PEX14: variants seen among roughly 807,000 people sequenced by gnomAD.
The protein encoded by PEX14 is peroxisomal biogenesis factor 14.
In PEX14, 15 loss-of-function variants were observed where a neutral mutation model predicts 49.5. The ratio of observed to expected loss-of-function variants is 0.30; its 90% CI spans 0.20 to 0.47. The LOEUF is 0.47. Ranked by LOEUF, PEX14 falls within the 20% of genes least tolerant of loss-of-function variation. The probability of loss-of-function intolerance (pLI) is 1.00; values close to 1 mark genes in which losing one functional copy is unlikely to be tolerated. For missense variants in PEX14, 398 were observed against 494.8 expected, an observed-to-expected ratio of 0.80 and a Z score of 1.86; for synonymous variants, 210 against 212.7, an observed-to-expected ratio of 0.99 and a Z score of 0.11.
intron 3 of PEX14, among the ~76,000 whole-genome samples, chr1:10,594,288 T>C (rs1006464594): frequency 6.6e-6 from 1 of 152,128 alleles, no homozygotes; most frequent in African/African-American, 2.4e-5. Context: ...CTGCCTCATC[T>C]CCTCCCAGAG....
chr1:10,517,862 T>C (rs558083100), intron 2 of PEX14, among the ~76,000 whole-genome samples: 6 of 152,210 alleles, frequency 3.9e-5, no homozygotes, highest in Admixed American at 2.0e-4. Context: ...AAATAATTTC[T>C]TTCTTGAAAT....
At chr1:10,618,567 C>T in intron 5 of PEX14, 150 bp downstream of exon 5, 1 of 710,194 alleles carries the variant, frequency 1.4e-6, no homozygotes, top group South Asian at 1.5e-5. Flanking sequence ...TCGGGGTTCA[C>T]AGCTGGATCC....
At chr1:10,609,294 G>C (rs1641210452) in intron 4 of PEX14, among the ~76,000 whole-genome samples, 1 of 152,122 alleles carries the variant, frequency 6.6e-6, no homozygotes, top group Admixed American at 6.5e-5. Flanking sequence ...GGAATTGCTG[G>C]ATGTGGTAGT....
chr1:10,495,106 A>G lies in PEX14; in HGVS notation c.37-168A>G. ...CTGGTGAATTCAGACTCTTTGGGCT[A>G]CTTTTTACAGGTAGTCCACTGCAAA... On this transcript the variant is annotated intron_variant, in intron 1 of 8. Transcript: ENST00000356607. This position sits in a 1 kb window ranked among gnomAD's most constrained non-coding sequence, Gnocchi z 4.2. 1 of 985,092 alleles carries G rather than the reference A, an allele frequency of 1.0e-6. No individual in the cohort carries two copies. The highest frequency in any genetic ancestry group is 1.7e-5 in the African/African-American group (1 of 57,356). 61.0% of individuals were successfully genotyped at this position (985,092 alleles called of 1,614,324 possible).
chr1:10,581,564 A>C (rs1051847020), intron 3 of PEX14, among the ~76,000 whole-genome samples: 2 of 151,652 alleles, frequency 1.3e-5, no homozygotes, highest in African/African-American at 4.8e-5. Context: ...TTGGCCTCCC[A>C]AAGTGCTGGG....
At chr1:10,604,882 G>T (rs192857179) in intron 4 of PEX14, among the ~76,000 whole-genome samples, 320 of 152,238 alleles carry the variant, frequency 2.1e-3, no homozygotes, top group Non-Finnish European at 3.6e-3. Context: ...GGGTGGGGGG[G>T]CATCAGCCGG....
intron 1 of PEX14, among the ~76,000 whole-genome samples, chr1:10,476,404 T>G (rs1041176140): frequency 1.3e-5 from 2 of 152,238 alleles, no homozygotes; most frequent in African/African-American, 4.8e-5. Context: ...ACATTTAGTT[T>G]GCTGAAATAC....
chr1:10,512,986 C>T lies in PEX14; in HGVS notation c.84+17665C>T, dbSNP rs116528407. Among the ~76,000 whole-genome samples, 956 of 152,332 alleles carry T rather than the reference C, an allele frequency of 6.3e-3. 7 individuals are homozygous for T. Among genetic ancestry groups the T allele is most frequent in the African/African-American group, 0.021 (893 of 41,570 alleles). On this transcript the variant is annotated intron_variant, in intron 2 of 8. Coordinates refer to ENST00000356607, the MANE Select transcript of PEX14 (RefSeq NM_004565.3). This position sits in a 1 kb window ranked among gnomAD's most constrained non-coding sequence, Gnocchi z 4.6. ...TGCTGGGATTACAGGCGTAGGCCAC[C>T]GTGCCCGGCCCTTTTCCTTCTTTTA... is the stretch of plus-strand genomic sequence containing the variant.
chr1:10,593,936 A>G (rs1419740047), intron 3 of PEX14, among the ~76,000 whole-genome samples: 2 of 152,214 alleles, frequency 1.3e-5, no homozygotes, highest in African/African-American at 4.8e-5. Flanking sequence ...CTGCTAACAC[A>G]CTAACTCATA....
chr1:10,569,938 G>A (rs1639923703), intron 3 of PEX14, among the ~76,000 whole-genome samples: 1 of 152,026 alleles, frequency 6.6e-6, no homozygotes, highest in African/African-American at 2.4e-5. Flanking sequence ...GTCTTTTAAT[G>A]TGAAATCTTC....
At position 10,494,990 on chromosome 1, in the gene PEX14, T is replaced by C. The variant is rs1641533715; in HGVS notation, c.37-284T>C. On this transcript the variant is annotated intron_variant, in intron 1 of 8. Coordinates refer to ENST00000356607, the MANE Select transcript of PEX14 (RefSeq NM_004565.3). The surrounding 1 kb of genome is among the most constrained non-coding windows in gnomAD (Gnocchi z 4.3). ...TGGGATGGTCCCCAGCCCTTGCTGC[T>C]CAGTAGGTGATCGTGGGCCTTCCTG... 1 of 430,076 alleles carries C rather than the reference T, an allele frequency of 2.3e-6. No individual in the cohort carries two copies. Among genetic ancestry groups the C allele is most frequent in the African/African-American group, 2.1e-5 (1 of 46,568 alleles). 26.6% of individuals were successfully genotyped at this position (430,076 alleles called of 1,614,324 possible). A position where few individuals can be genotyped will look rare whatever the true frequency, so the allele number is the denominator to read the frequency against.
rs1186210942 is a variant in PEX14 at position 10,514,156 on chromosome 1, C to CTCTG, written c.84+18836_84+18837insCTGT. ...AAAATGTATAAAATAATCTATGCCT[C>CTCTG]TGTGTGTGTGTGTGTGTGTGTGTGT... On this transcript the variant is annotated intron_variant, in intron 2 of 8. Coordinates refer to ENST00000356607, the MANE Select transcript of PEX14 (RefSeq NM_004565.3). The surrounding 1 kb of genome is among the most constrained non-coding windows in gnomAD (Gnocchi z 4.4). Among the ~76,000 whole-genome samples, 1,246 of 143,240 alleles carry CTCTG rather than the reference C, an allele frequency of 8.7e-3. 20 individuals are homozygous for CTCTG. The highest frequency in any genetic ancestry group is 0.03 in the African/African-American group (1,171 of 39,412). The allele number at this position is 143,240 out of a possible 152,430, so 94.0% of individuals were successfully genotyped here. A position where few individuals can be genotyped will look rare whatever the true frequency, so the allele number is the denominator to read the frequency against.
chr1:10,520,221 C>T (rs964978702), intron 2 of PEX14, among the ~76,000 whole-genome samples: 9 of 147,448 alleles, frequency 6.1e-5, no homozygotes, highest in South Asian at 2.1e-4. Flanking sequence ...TGCAGTGCTG[C>T]GGTCATAGGT....
intron 4 of PEX14, among the ~76,000 whole-genome samples, chr1:10,605,646 G>C (rs1641104885): frequency 6.6e-6 from 1 of 152,216 alleles, no homozygotes; most frequent in African/African-American, 2.4e-5. Context: ...GCATGCATGG[G>C]TGGCCTCGGG....
intron 3 of PEX14, 74 bp from the exon 4 acceptor site, chr1:10,599,164 T>C: frequency 1.3e-6 from 2 of 1,492,102 alleles, no homozygotes; most frequent in Non-Finnish European, 1.9e-6. Flanking sequence ...AGGTCTTTGC[T>C]CAGTGAAGAT....
intron 4 of PEX14, 63 bp from the exon 5 acceptor site, chr1:10,618,269 A>G (rs1641484953): frequency 7.6e-7 from 1 of 1,318,546 alleles, no homozygotes; most frequent in South Asian, 1.2e-5. Flanking sequence ...CACCTGTGCC[A>G]GCCCCCACCC....
At position 10,570,887 on chromosome 1, in the gene PEX14, G is replaced by T. The variant is rs909122161; in HGVS notation, c.170-28351G>T. On this transcript the variant is annotated intron_variant, in intron 3 of 8. Transcript: ENST00000356607. ...TTTTGAGATGGTATCTTACTCTGTT[G>T]CCCAGGCTGGAGTGCAGTGGCGTGA... Among the ~76,000 whole-genome samples the T allele has an allele frequency of 6.4e-5, 7 of 110,126 alleles. 1 individual carries two copies. In the East Asian group the frequency reaches 2.1e-3, roughly 33 times the overall value. The allele number at this position is 110,126 out of a possible 152,430, so 72.2% of individuals were successfully genotyped here.
chr1:10,482,204 C>G (rs1382741862), intron 1 of PEX14, among the ~76,000 whole-genome samples: 1 of 152,188 alleles, frequency 6.6e-6, no homozygotes, highest in Non-Finnish European at 1.5e-5. Flanking sequence ...TCTTGGCTCA[C>G]TGCAACCTCT....
intron 3 of PEX14, among the ~76,000 whole-genome samples, chr1:10,565,201 C>G (rs1639768374): frequency 6.6e-6 from 1 of 152,114 alleles, no homozygotes; most frequent in South Asian, 2.1e-4. Flanking sequence ...TGCGCCCAGC[C>G]TTTTTTTGTA....
Sources: allele counts gnomAD v4.1 joint callset (sites outside exome capture counted in the v4.1 genomes callset), GRCh38; gene constraint gnomAD v4.1.1; non-coding constraint Gnocchi (gnomAD v3.1); transcripts MANE v1.5; gene names NCBI Gene and HGNC (gene_info 2026-07-23, HGNC 2026-07-21).